The following LIN7A variants were observed in gnomAD, a reference collection of about 807,000 sequenced individuals.
The protein encoded by LIN7A is lin-7 cell polarity scaffold A, also known as protein lin-7 homolog A.
In LIN7A, 25 loss-of-function variants were observed where a neutral mutation model predicts 29.8. The ratio of observed to expected loss-of-function variants is 0.84; its 90% CI spans 0.61 to 1.17. The LOEUF (loss-of-function observed/expected upper bound fraction) is 1.17. LIN7A is among the 50% of genes most tolerant of loss of function. LIN7A has a pLI of 0.00. For missense variants in LIN7A, 239 were observed against 287.0 expected (o/e 0.83, Z 1.21); for synonymous variants, 118 against 107.5 (o/e 1.10, Z -0.60).
chr12:80,849,344 C>A (rs1367670705), intron 2 of LIN7A, among the ~76,000 whole-genome samples: 1 of 152,128 alleles, frequency 6.6e-6, no homozygotes, highest in Non-Finnish European at 1.5e-5. Flanking sequence ...ATAGAGACAG[C>A]CTTTCCAAAA....
intron 2 of LIN7A, among the ~76,000 whole-genome samples, chr12:80,863,096 T>C (rs1391954489): frequency 2.0e-5 from 3 of 152,240 alleles, no homozygotes. Flanking sequence ...CACTAGGTTC[T>C]GATTTGTAGC....
At chr12:80,930,128 G>A (rs1002244169) in intron 1 of LIN7A, among the ~76,000 whole-genome samples, 1 of 152,074 alleles carries the variant, frequency 6.6e-6, no homozygotes, top group South Asian at 2.1e-4. Context: ...AACAAAAGTT[G>A]CACAAACAGT....
intron 5 of LIN7A, among the ~76,000 whole-genome samples, chr12:80,801,992 G>T (rs1403645743): frequency 1.3e-5 from 2 of 151,650 alleles, no homozygotes; most frequent in East Asian, 1.9e-4. Flanking sequence ...CACCTCCTGG[G>T]TTCAATCTAT....
chr12:80,867,425 C>T (rs946745842), intron 2 of LIN7A, among the ~76,000 whole-genome samples: 1 of 152,166 alleles, frequency 6.6e-6, no homozygotes, highest in Admixed American at 6.5e-5. Flanking sequence ...TAGAGTCACC[C>T]CTTCCCTGAG....
chr12:80,905,335 G>A (rs910147796), intron 1 of LIN7A, among the ~76,000 whole-genome samples: 2 of 152,000 alleles, frequency 1.3e-5, no homozygotes, highest in South Asian at 4.2e-4. Flanking sequence ...GTTTTAAGAA[G>A]ATTATACTTC....
At chr12:80,884,648 G>C (rs1481701274) in intron 2 of LIN7A, among the ~76,000 whole-genome samples, 1 of 152,116 alleles carries the variant, frequency 6.6e-6, no homozygotes, top group African/African-American at 2.4e-5. Flanking sequence ...TTCAACTGTA[G>C]CATGCACAAA....
At chr12:80,821,928 G>A (rs545734942) in intron 4 of LIN7A, among the ~76,000 whole-genome samples, 1 of 152,334 alleles carries the variant, frequency 6.6e-6, no homozygotes, top group African/African-American at 2.4e-5. Context: ...TGCAGGCACT[G>A]TTGCAACCAG....
chr12:80,917,507 A>AATAAAATG (rs1877086173), intron 1 of LIN7A, among the ~76,000 whole-genome samples: 1 of 152,206 alleles, frequency 6.6e-6, no homozygotes, highest in Admixed American at 6.5e-5. Flanking sequence ...TTTTTCTGTG[A>AATAAAATG]GTACATAAAA....
chr12:80,910,364 C>A (rs918170677), intron 1 of LIN7A, among the ~76,000 whole-genome samples: 1 of 152,030 alleles, frequency 6.6e-6, no homozygotes, highest in South Asian at 2.1e-4. Context: ...ATCTATATTA[C>A]GTATTTCTTT....
At chr12:80,802,319 C>A (rs1179300135) in intron 5 of LIN7A, among the ~76,000 whole-genome samples, 2 of 152,190 alleles carry the variant, frequency 1.3e-5, no homozygotes, top group Admixed American at 1.3e-4. Flanking sequence ...AAAGATTTCC[C>A]TCCCTTTTAA....
chr12:80,874,935 A>T (rs1174563685), intron 2 of LIN7A, among the ~76,000 whole-genome samples: 1 of 152,230 alleles, frequency 6.6e-6, no homozygotes, highest in African/African-American at 2.4e-5. Flanking sequence ...CAGGAGGCAG[A>T]GCTTGCAGTG....
At chr12:80,837,326 A>T (rs1457573209) in intron 4 of LIN7A, among the ~76,000 whole-genome samples, 1 of 152,118 alleles carries the variant, frequency 6.6e-6, no homozygotes, top group East Asian at 1.9e-4. Flanking sequence ...TTTCAGATAC[A>T]ATTAGGTTAA....
At chr12:80,937,457 A>C (rs1218797977) in intron 1 of LIN7A, 184 bp downstream of exon 1, 3 of 413,462 alleles carry the variant, frequency 7.3e-6, no homozygotes, top group African/African-American at 6.2e-5. Context: ...GGGCAGCGGG[A>C]ACGTAGCGGG....
intron 1 of LIN7A, among the ~76,000 whole-genome samples, chr12:80,920,198 G>C (rs890095620): frequency 6.6e-6 from 1 of 152,184 alleles, no homozygotes. Context: ...AATGAGCGTG[G>C]CGGTGCTCCA....
chr12:80,861,659 C>T (rs1251869744), intron 2 of LIN7A, among the ~76,000 whole-genome samples: 1 of 152,218 alleles, frequency 6.6e-6, no homozygotes, highest in African/African-American at 2.4e-5. Flanking sequence ...ACTGATGTCC[C>T]AGGGAGCCAC....
intron 4 of LIN7A, among the ~76,000 whole-genome samples, chr12:80,840,810 A>T (rs1872772287): frequency 6.6e-6 from 1 of 152,076 alleles, no homozygotes; most frequent in Non-Finnish European, 1.5e-5. Flanking sequence ...CTTAGAAGGG[A>T]CTTTGGGGCC....
intron 2 of LIN7A, among the ~76,000 whole-genome samples, chr12:80,881,731 A>T (rs1413404779): frequency 1.3e-5 from 2 of 152,150 alleles, no homozygotes; most frequent in African/African-American, 4.8e-5. Flanking sequence ...TATCCCTTTT[A>T]TAACGTGATC....
At chr12:80,802,561 G>T (rs1870771727) in intron 5 of LIN7A, among the ~76,000 whole-genome samples, 2 of 152,054 alleles carry the variant, frequency 1.3e-5, no homozygotes, top group Non-Finnish European at 2.9e-5. Flanking sequence ...TTCCAAAATG[G>T]CTGTATTAAT....
intron 1 of LIN7A, among the ~76,000 whole-genome samples, chr12:80,902,541 C>T (rs540203670): frequency 1.3e-5 from 2 of 152,060 alleles, no homozygotes; most frequent in Non-Finnish European, 2.9e-5. Flanking sequence ...TTTCTTTCAG[C>T]AGTGGTTTGT....
Sources: allele counts gnomAD v4.1 joint callset (sites outside exome capture counted in the v4.1 genomes callset), GRCh38; gene constraint gnomAD v4.1.1; transcripts MANE v1.5; gene names NCBI Gene and HGNC (gene_info 2026-07-23, HGNC 2026-07-21).